The following LYPLAL1 variants were observed in gnomAD, a reference collection of about 807,000 sequenced individuals.
The protein encoded by LYPLAL1 is lysophospholipase-like protein 1.
In LYPLAL1, 23 loss-of-function variants were observed where a neutral mutation model predicts 19.7. The ratio of observed to expected loss-of-function variants is 1.17; its 90% CI spans 0.84 to 1.65. LYPLAL1 has a LOEUF of 1.65. Ranked by LOEUF, LYPLAL1 falls within the 40% of genes most tolerant of loss-of-function variation. LYPLAL1 has a pLI of 0.00. For missense variants in LYPLAL1, 355 were observed against 279.4 expected (o/e 1.27, Z -1.93); for synonymous variants, 119 against 96.3 (o/e 1.24, Z -1.38).
the LYPLAL1 span, among the ~76,000 whole-genome samples, chr1:219,368,826 A>G: frequency 1.3e-5 from 2 of 152,234 alleles, no homozygotes; most frequent in East Asian, 1.9e-4. Context: ...GTTCTGAACT[A>G]TCTACACCAT....
At chr1:219,308,943 A>C in the LYPLAL1 span, among the ~76,000 whole-genome samples, 1 of 152,174 alleles carries the variant, frequency 6.6e-6, no homozygotes, top group African/African-American at 2.4e-5. Flanking sequence ...TGCAGCTTGC[A>C]CTGCACACCT....
chr1:219,346,814 C>T, the LYPLAL1 span, among the ~76,000 whole-genome samples: 1 of 152,128 alleles, frequency 6.6e-6, no homozygotes, highest in African/African-American at 2.4e-5. Flanking sequence ...AAGGTGGAAA[C>T]ACCTGATTAG....
At chr1:219,215,951 AT>A (rs1408697343), downstream of LYPLAL1, among the ~76,000 whole-genome samples, 3 of 152,092 alleles carry the variant, frequency 2.0e-5, no homozygotes, top group Non-Finnish European at 2.9e-5. Flanking sequence ...AGATTTTAAA[AT>A]TTTTTATATT....
At chr1:219,397,618 C>T in the LYPLAL1 span, among the ~76,000 whole-genome samples, 1 of 152,102 alleles carries the variant, frequency 6.6e-6, no homozygotes, top group Admixed American at 6.5e-5. Flanking sequence ...GGTTATTATG[C>T]AGACTTGTTT....
the LYPLAL1 span, among the ~76,000 whole-genome samples, chr1:219,432,571 C>T: frequency 7.9e-5 from 12 of 152,082 alleles, no homozygotes; most frequent in Non-Finnish European, 1.5e-4. Context: ...CCAAGCAACC[C>T]ATTCATCTCC....
intron 3 of LYPLAL1, among the ~76,000 whole-genome samples, chr1:219,196,893 T>A (rs1014764311): frequency 6.6e-5 from 10 of 152,196 alleles, no homozygotes; most frequent in Middle Eastern, 6.8e-3. Context: ...TGAACTCCCA[T>A]GCACAATTGC....
chr1:219,401,239 A>G, the LYPLAL1 span, among the ~76,000 whole-genome samples: 1 of 151,874 alleles, frequency 6.6e-6, no homozygotes, highest in Non-Finnish European at 1.5e-5. Flanking sequence ...TTTATTTGGC[A>G]AAACTTACAA....
At chr1:219,286,180 A>G in the LYPLAL1 span, among the ~76,000 whole-genome samples, 3 of 152,168 alleles carry the variant, frequency 2.0e-5, no homozygotes, top group Non-Finnish European at 4.4e-5. Context: ...GGGATGGTGC[A>G]TGACAGTTGC....
the LYPLAL1 span, among the ~76,000 whole-genome samples, chr1:219,413,567 C>T: frequency 3.3e-5 from 5 of 152,300 alleles, no homozygotes; most frequent in East Asian, 9.6e-4. Flanking sequence ...AGTTACCCCC[C>T]AAAGAAGGAG....
the LYPLAL1 span, among the ~76,000 whole-genome samples, chr1:219,305,882 A>G: frequency 6.6e-6 from 1 of 152,198 alleles, no homozygotes; most frequent in Admixed American, 6.5e-5. Context: ...ACTCTGAACT[A>G]CAATACTTCC....
chr1:219,245,846 C>T, the LYPLAL1 span, among the ~76,000 whole-genome samples: 3 of 152,092 alleles, frequency 2.0e-5, no homozygotes, highest in East Asian at 5.8e-4. Context: ...ATATAAAATT[C>T]GACCCATTTC....
chr1:219,242,664 A>G, the LYPLAL1 span, among the ~76,000 whole-genome samples: 33 of 152,074 alleles, frequency 2.2e-4, no homozygotes, highest in African/African-American at 6.3e-4. Flanking sequence ...TTGACTCACA[A>G]TGAATCTTGC....
chr1:219,426,134 T>G, the LYPLAL1 span, among the ~76,000 whole-genome samples: 1 of 152,228 alleles, frequency 6.6e-6, no homozygotes, highest in African/African-American at 2.4e-5. Flanking sequence ...ACGTTTGGTT[T>G]GGGCCATGGG....
At chr1:219,215,054 A>G (rs959733379), downstream of LYPLAL1, among the ~76,000 whole-genome samples, 33 of 152,238 alleles carry the variant, frequency 2.2e-4, no homozygotes, top group African/African-American at 7.7e-4. Context: ...ACCCATGAAG[A>G]TACCATTTCT....
At chr1:219,325,749 C>T in the LYPLAL1 span, among the ~76,000 whole-genome samples, 4 of 152,274 alleles carry the variant, frequency 2.6e-5, no homozygotes, top group Non-Finnish European at 5.9e-5. Context: ...CCTCAGCCCA[C>T]TTAGCACATA....
the LYPLAL1 span, among the ~76,000 whole-genome samples, chr1:219,397,976 C>A: frequency 5.9e-5 from 9 of 152,166 alleles, no homozygotes; most frequent in Admixed American, 3.9e-4. Flanking sequence ...CTTTAGCTAC[C>A]TTTCATATTT....
the LYPLAL1 span, among the ~76,000 whole-genome samples, chr1:219,276,890 A>G: frequency 6.6e-6 from 1 of 152,166 alleles, no homozygotes; most frequent in Non-Finnish European, 1.5e-5. Context: ...CACCCCAGTT[A>G]TTGTCCCGAT....
chr1:219,403,981 C>T, the LYPLAL1 span, among the ~76,000 whole-genome samples: 2 of 152,068 alleles, frequency 1.3e-5, no homozygotes, highest in African/African-American at 4.8e-5. Flanking sequence ...GATCAAGGTG[C>T]TGATATAGTT....
chr1:219,294,524 C>A, the LYPLAL1 span, among the ~76,000 whole-genome samples: 1 of 152,192 alleles, frequency 6.6e-6, no homozygotes, highest in South Asian at 2.1e-4. Context: ...TTGCTTTTGC[C>A]AGACTGACTC....
Sources: gnomAD v4.1 joint callset for allele counts (sites outside exome capture counted in the v4.1 genomes callset) on GRCh38, gnomAD v4.1.1 for gene constraint, MANE v1.5 for transcripts, NCBI Gene and HGNC (gene_info 2026-07-23, HGNC 2026-07-21) for gene names.